Variants in TMPRSS7 observed in about 807,000 individuals in gnomAD.
TMPRSS7 encodes the protein transmembrane protease serine 7.
In TMPRSS7, 81 loss-of-function variants were observed where a neutral mutation model predicts 95.6. That is an observed-to-expected ratio of 0.85 (90% CI 0.71 to 1.02). The LOEUF is 1.02. Ranked by LOEUF, TMPRSS7 falls within the 50% of genes least tolerant of loss-of-function variation. TMPRSS7 has a pLI of 0.00. For synonymous variants in TMPRSS7, 364 were observed against 337.8 expected (o/e 1.08, Z -0.85); for missense variants, 945 against 955.2 (o/e 0.99, Z 0.14).
At chr3:112,066,599 A>C in intron 13 of TMPRSS7, 97 bp downstream of exon 13, 1 of 1,105,582 alleles carries the variant, frequency 9.0e-7, no homozygotes, top group Non-Finnish European at 1.3e-6. Flanking sequence ...AGGGCAATCA[A>C]CTTGTCCCAG....
At chr3:112,063,557 G>C in exon 12 of TMPRSS7, 2 of 1,613,924 alleles carry the variant, frequency 1.2e-6, no homozygotes, top group South Asian at 2.2e-5. Context: ...ATGCTCCTCC[G>C]GTTTATGTGT....
chr3:112,077,702 T>A (rs970130296), intron 16 of TMPRSS7, among the ~76,000 whole-genome samples: 3 of 152,078 alleles, frequency 2.0e-5, no homozygotes, highest in Non-Finnish European at 4.4e-5. Flanking sequence ...CCAGAGGAGA[T>A]ACCTTTTTGC....
chr3:112,074,745 C>T (rs554298705), intron 14 of TMPRSS7, among the ~76,000 whole-genome samples: 65 of 151,656 alleles, frequency 4.3e-4, no homozygotes, highest in African/African-American at 1.5e-3. Context: ...CCTGTTAATG[C>T]CTTATGTTAC....
intron 3 of TMPRSS7, 25 bp downstream of exon 3, chr3:112,042,075 T>C (rs760453314): frequency 2.4e-5 from 37 of 1,546,192 alleles, no homozygotes; most frequent in Non-Finnish European, 3.1e-5. Flanking sequence ...GTAGAGGGTA[T>C]TAGGGTAGAG....
At chr3:112,035,306 A>C (rs1464255571) in intron 1 of TMPRSS7, among the ~76,000 whole-genome samples, 2 of 152,226 alleles carry the variant, frequency 1.3e-5, no homozygotes, top group African/African-American at 4.8e-5. Flanking sequence ...CTCATTCTAC[A>C]ATGGAATGTT....
rs902516131 is a variant in TMPRSS7, at chr3:112,050,124, G to A, written c.1090+150G>A. The stretch of plus-strand genomic sequence containing the variant: ...CAGTCAGAAGAGAGAGACCATATTA[G>A]TTATTTAGACAGAATGAATTCTGTA... On this transcript the variant is annotated intron_variant, in intron 8 of 17. Transcript: ENST00000452346. The A allele has an allele frequency of 4.1e-6, 3 of 724,000 alleles. No homozygotes were observed. In the East Asian group the frequency reaches 9.3e-5, roughly 22 times the overall value. The allele number at this position is 724,000 out of a possible 1,614,324, so 44.8% of individuals were successfully genotyped here. A position where few individuals can be genotyped will look rare whatever the true frequency, so the allele number is the denominator to read the frequency against.
intron 9 of TMPRSS7, 130 bp from the exon 10 acceptor site, chr3:112,056,895 G>A: frequency 3.5e-6 from 2 of 577,194 alleles, no homozygotes; most frequent in Non-Finnish European, 6.1e-6. Context: ...CTTTGTTCAG[G>A]AGAACTGGTT....
chr3:112,075,214 C>G, intron 14 of TMPRSS7, 107 bp from the exon 15 acceptor site: 6 of 1,180,054 alleles, frequency 5.1e-6, no homozygotes, highest in Non-Finnish European at 6.7e-6. Context: ...AAGGAGATTT[C>G]AAATTGCTAC....
At chr3:112,059,204 G>A (rs937092545) in intron 10 of TMPRSS7, among the ~76,000 whole-genome samples, 2 of 152,180 alleles carry the variant, frequency 1.3e-5, no homozygotes, top group African/African-American at 4.8e-5. Context: ...AACTGCTTTG[G>A]TGTGCTAGAG....
chr3:112,057,039 T>A, exon 10 of TMPRSS7: 1 of 1,609,650 alleles, frequency 6.2e-7, no homozygotes, highest in Non-Finnish European at 8.5e-7. Context: ...CTCTATCAAC[T>A]CTTGGCATAG....
intron 1 of TMPRSS7, among the ~76,000 whole-genome samples, chr3:112,037,061 C>T (rs4682078): frequency 0.29 from 44,063 of 152,020 alleles, 7,261 homozygotes; most frequent in Middle Eastern, 0.38. Flanking sequence ...ACAAATTGTT[C>T]GTAAAGCATG....
intron 9 of TMPRSS7, among the ~76,000 whole-genome samples, chr3:112,051,848 G>T (rs186847631): frequency 6.6e-6 from 1 of 152,038 alleles, no homozygotes; most frequent in Non-Finnish European, 1.5e-5. Flanking sequence ...CAGGATATAC[G>T]TATAGACTCA....
At chr3:112,040,204 T>C (rs1034294097) in intron 2 of TMPRSS7, among the ~76,000 whole-genome samples, 3 of 152,182 alleles carry the variant, frequency 2.0e-5, no homozygotes, top group African/African-American at 7.2e-5. Flanking sequence ...GCACATAAAT[T>C]GATCACTTGT....
At chr3:112,044,002 T>A (rs2073244528) in intron 3 of TMPRSS7, among the ~76,000 whole-genome samples, 1 of 152,134 alleles carries the variant, frequency 6.6e-6, no homozygotes, top group Non-Finnish European at 1.5e-5. Context: ...TAAGTTTGAG[T>A]TTAAAGAGAG....
At chr3:112,060,687 A>G (rs997988228) in intron 10 of TMPRSS7, among the ~76,000 whole-genome samples, 6 of 152,196 alleles carry the variant, frequency 3.9e-5, no homozygotes, top group Non-Finnish European at 5.9e-5. Context: ...ATATTGTTCA[A>G]ACACACATGC....
In TMPRSS7 at chr3:112,080,963, G is replaced by T. The variant is rs202054476; in HGVS notation, c.2411G>T (p.Trp804Leu). 188 of 1,613,874 alleles carry T rather than the reference G, an allele frequency of 1.2e-4. 1 individual carries two copies. In the African/African-American group the frequency reaches 2.3e-3, roughly 20 times the overall value. ...TGTCGAAGAAAAAGTGATGGAAAAT[G>T]GATTTTGACTGGCATTGTTAGCTGG... Residue 804 changes from tryptophan to leucine, a missense_variant, in exon 18 of 18, where the codon TGG (tryptophan) becomes TTG (leucine). By Grantham distance (61) the Trp-to-Leu change is moderately conservative. Transcript: ENST00000452346.
chr3:112,076,801 C>T (rs973344219), intron 15 of TMPRSS7, 75 bp from the exon 16 acceptor site: 1 of 1,545,220 alleles, frequency 6.5e-7, no homozygotes. Context: ...GCCCTCAACT[C>T]TTTAGAGTGC....
At chr3:112,054,290 C>T (rs1228018253) in intron 9 of TMPRSS7, among the ~76,000 whole-genome samples, 1 of 152,178 alleles carries the variant, frequency 6.6e-6, no homozygotes, top group Non-Finnish European at 1.5e-5. Context: ...AAAATTCCTC[C>T]CTTTACTTGA....
intron 16 of TMPRSS7, among the ~76,000 whole-genome samples, chr3:112,077,807 A>G (rs962961830): frequency 7.2e-5 from 11 of 152,156 alleles, no homozygotes; most frequent in South Asian, 2.1e-4. Context: ...AAGGTTTTTC[A>G]TGGTCCAGGA....
Sources: allele counts gnomAD v4.1 joint callset (sites outside exome capture counted in the v4.1 genomes callset), GRCh38; gene constraint gnomAD v4.1.1; transcripts MANE v1.5; gene names NCBI Gene and HGNC (gene_info 2026-07-23, HGNC 2026-07-21).